GHR: variants seen among roughly 807,000 people sequenced by gnomAD.
The protein encoded by GHR is GH receptor.
In GHR, 35 loss-of-function variants were observed where a neutral mutation model predicts 67.1. The ratio of observed to expected loss-of-function variants is 0.52; its 90% CI spans 0.40 to 0.69. GHR has a LOEUF of 0.69. Ranked by LOEUF, GHR falls within the 30% of genes least tolerant of loss-of-function variation. The pLI is 0.00. For missense variants in GHR, 792 were observed against 764.6 expected (o/e 1.04, Z -0.42); for synonymous variants, 272 against 269.1 (o/e 1.01, Z -0.10).
intron 1 of GHR, among the ~76,000 whole-genome samples, chr5:42,518,190 AGTATTAATAATTCTGTGTGTGT>A (rs1747325115): frequency 6.8e-6 from 1 of 146,608 alleles, no homozygotes; most frequent in South Asian, 2.1e-4. Context: ...GATTAATGAT[AGTATTAATAATTCTGTGTGTGT>A]GTGGGCAGCT....
chr5:42,535,969 G>A lies in GHR; in HGVS notation c.-11-29895G>A, dbSNP rs1416163651. Reference sequence around the variant, plus strand: ...TCTTGATTTGATTCTCTGCTTGGTCGCTGCTGGTGTATAGAAGAGCTACTG... The same window carrying A: ...TCTTGATTTGATTCTCTGCTTGGTCACTGCTGGTGTATAGAAGAGCTACTG... On this transcript the variant is annotated intron_variant, in intron 1 of 9. Transcript: ENST00000230882. Among the ~76,000 whole-genome samples, 3 of 151,966 alleles carry A rather than the reference G, an allele frequency of 2.0e-5. No individual in the cohort carries two copies. In the East Asian group the frequency reaches 5.8e-4, roughly 29 times the overall value.
chr5:42,679,065 TA>T (rs1756711392), intron 3 of GHR, among the ~76,000 whole-genome samples: 1 of 145,560 alleles, frequency 6.9e-6, no homozygotes, highest in South Asian at 2.1e-4. Context: ...AACAATATAT[TA>T]ATTAGTAATA....
At chr5:42,599,357 ATTTTTTTTTTTT>A (rs36037535) in intron 2 of GHR, among the ~76,000 whole-genome samples, 2 of 103,908 alleles carry the variant, frequency 1.9e-5, no homozygotes, top group African/African-American at 8.1e-5. Flanking sequence ...CCTACAGCAC[ATTTTTTTTTTTT>A]TTTTTTTTTT....
intron 1 of GHR, among the ~76,000 whole-genome samples, chr5:42,531,232 A>G (rs1435151857): frequency 6.6e-6 from 1 of 151,694 alleles, no homozygotes; most frequent in African/African-American, 2.4e-5. Flanking sequence ...GCACCATTGC[A>G]CTCCAGCCTG....
intron 1 of GHR, among the ~76,000 whole-genome samples, chr5:42,476,467 C>T (rs1745326130): frequency 6.6e-6 from 1 of 152,152 alleles, no homozygotes; most frequent in African/African-American, 2.4e-5. Context: ...GATGTGCCTG[C>T]CTTGGCCTTC....
chr5:42,680,085 G>A lies in GHR; in HGVS notation c.137-8805G>A, dbSNP rs567242725. The stretch of plus-strand genomic sequence containing the variant: ...GATACATTTAGGCCAGTCACACAAA[G>A]ATTTTACCCAAAGCCTATGCAGGCA... On this transcript the variant is annotated intron_variant, in intron 3 of 9. Transcript: ENST00000230882. Among the ~76,000 whole-genome samples the A allele has an allele frequency of 4.6e-5, 7 of 152,290 alleles. No individual in the cohort carries two copies. The East Asian group carries it at 1.2e-3, about 25-fold the overall frequency.
At chr5:42,461,919 T>C (rs1744503765) in intron 1 of GHR, among the ~76,000 whole-genome samples, 1 of 152,226 alleles carries the variant, frequency 6.6e-6, no homozygotes, top group Non-Finnish European at 1.5e-5. Context: ...AGCATCACTT[T>C]CTTTAAGACT....
chr5:42,520,071 G>C (rs1189351908), intron 1 of GHR, among the ~76,000 whole-genome samples: 1 of 152,084 alleles, frequency 6.6e-6, no homozygotes, highest in Non-Finnish European at 1.5e-5. Flanking sequence ...TATATTATTT[G>C]AGTACAATTA....
chr5:42,530,473 A>T (rs900407274), intron 1 of GHR, among the ~76,000 whole-genome samples: 2 of 152,204 alleles, frequency 1.3e-5, no homozygotes, highest in African/African-American at 4.8e-5. Context: ...AAGATGAGCC[A>T]TGGTTGTAAT....
intron 1 of GHR, chr5:42,548,146 G>A (rs1748823596): frequency 5.1e-6 from 5 of 984,844 alleles, no homozygotes; most frequent in Non-Finnish European, 6.0e-6. Flanking sequence ...GATGTACTGG[G>A]CAAAGGTCAG....
At chr5:42,589,518 G>C (rs1751665549) in intron 2 of GHR, among the ~76,000 whole-genome samples, 1 of 152,082 alleles carries the variant, frequency 6.6e-6, no homozygotes, top group Non-Finnish European at 1.5e-5. Flanking sequence ...TGTGAGATCA[G>C]ACAAAATTTA....
chr5:42,691,727 A>G (rs773571745), intron 4 of GHR, among the ~76,000 whole-genome samples: 19 of 152,248 alleles, frequency 1.2e-4, no homozygotes, highest in Non-Finnish European at 2.6e-4. Flanking sequence ...ACAGCCCTAC[A>G]GGCAGTTGTG....
intron 3 of GHR, among the ~76,000 whole-genome samples, chr5:42,687,039 C>A (rs1230801707): frequency 1.3e-5 from 2 of 152,122 alleles, no homozygotes; most frequent in Non-Finnish European, 2.9e-5. Context: ...CAGTAACAGA[C>A]AGAGAGCCAA....
chr5:42,507,606 A>C (rs1746832370), intron 1 of GHR, among the ~76,000 whole-genome samples: 1 of 152,218 alleles, frequency 6.6e-6, no homozygotes, highest in Non-Finnish European at 1.5e-5. Context: ...TTCAAGGGGA[A>C]ATGTACAGAA....
At chr5:42,580,594 C>T (rs1332190138) in intron 2 of GHR, among the ~76,000 whole-genome samples, 2 of 152,128 alleles carry the variant, frequency 1.3e-5, no homozygotes, top group Non-Finnish European at 2.9e-5. Flanking sequence ...CTAGAAGCCT[C>T]AGGACCAGTC....
At chr5:42,435,353 T>C (rs1743278336) in intron 1 of GHR, among the ~76,000 whole-genome samples, 1 of 152,198 alleles carries the variant, frequency 6.6e-6, no homozygotes, top group South Asian at 2.1e-4. Flanking sequence ...AGATGATTAT[T>C]AGCAGGTTAT....
At chr5:42,492,159 C>T (rs1444363846) in intron 1 of GHR, among the ~76,000 whole-genome samples, 1 of 152,058 alleles carries the variant, frequency 6.6e-6, no homozygotes, top group African/African-American at 2.4e-5. Context: ...TGTATTGCCA[C>T]CATGAAGCCT....
At chr5:42,524,065 A>G (rs1483930387) in intron 1 of GHR, among the ~76,000 whole-genome samples, 2 of 152,184 alleles carry the variant, frequency 1.3e-5, no homozygotes, top group Non-Finnish European at 2.9e-5. Context: ...AAACAAACTA[A>G]TACAGTAAAT....
At chr5:42,517,782 G>A (rs1747304068) in intron 1 of GHR, among the ~76,000 whole-genome samples, 2 of 150,928 alleles carry the variant, frequency 1.3e-5, no homozygotes, top group Non-Finnish European at 2.9e-5. Flanking sequence ...ACTCATAGTG[G>A]ACTTTTTTTT....
Sources: gnomAD v4.1 joint callset for allele counts (sites outside exome capture counted in the v4.1 genomes callset) on GRCh38, gnomAD v4.1.1 for gene constraint, MANE v1.5 for transcripts, NCBI Gene and HGNC (gene_info 2026-07-23, HGNC 2026-07-21) for gene names.